Variants in CNTNAP2 observed in about 807,000 individuals in gnomAD.
The protein encoded by CNTNAP2 is contactin associated protein 2.
Under a neutral mutation model 155.2 loss-of-function variants are expected in CNTNAP2, and 98 were observed. The ratio of observed to expected loss-of-function variants is 0.63; its 90% CI spans 0.54 to 0.75. The LOEUF (loss-of-function observed/expected upper bound fraction) is 0.75, where lower values mean the gene tolerates loss of function less well. Among genes scored for constraint, CNTNAP2 ranks in the 30% least tolerant of loss-of-function variants. The pLI, the probability that CNTNAP2 is intolerant of heterozygous loss-of-function variation, is 0.00. For synonymous variants in CNTNAP2, 651 were observed against 631.2 expected (o/e 1.03, Z -0.47); for missense variants, 1,727 against 1,688.1 (o/e 1.02, Z -0.40).
intron 1 of CNTNAP2, among the ~76,000 whole-genome samples, chr7:146,197,813 G>T (rs531675361): frequency 6.6e-6 from 1 of 152,148 alleles, no homozygotes; most frequent in African/African-American, 2.4e-5. Flanking sequence ...GAGGTTTTCA[G>T]GTATATTAGC....
At chr7:146,406,537 A>T (rs802193) in intron 1 of CNTNAP2, among the ~76,000 whole-genome samples, 4,154 of 152,228 alleles carry the variant, frequency 0.027, 200 homozygotes, top group African/African-American at 0.095. Context: ...AGGAGCTGAG[A>T]TCTTGAGAGG....
chr7:148,207,402 G>A (rs1162525966), intron 18 of CNTNAP2, among the ~76,000 whole-genome samples: 1 of 152,212 alleles, frequency 6.6e-6, no homozygotes, highest in Non-Finnish European at 1.5e-5. Context: ...CAGTCCAGAC[G>A]ATGAAGGGGA....
At chr7:146,937,105 C>A (rs980920078) in intron 3 of CNTNAP2, among the ~76,000 whole-genome samples, 1 of 151,886 alleles carries the variant, frequency 6.6e-6, no homozygotes, top group East Asian at 1.9e-4. Context: ...AAGTGAAAAC[C>A]GGCCGGGCGC....
chr7:148,214,348 A>G (rs1326511326), intron 18 of CNTNAP2, among the ~76,000 whole-genome samples: 1 of 152,214 alleles, frequency 6.6e-6, no homozygotes, highest in African/African-American at 2.4e-5. Context: ...GCTGCTAAAT[A>G]AACCGCCATA....
At chr7:147,823,568 T>G (rs960484066) in intron 13 of CNTNAP2, among the ~76,000 whole-genome samples, 4 of 152,104 alleles carry the variant, frequency 2.6e-5, no homozygotes, top group African/African-American at 9.7e-5. Flanking sequence ...CCTAAAGAAG[T>G]TGGATACCAC....
At chr7:147,078,916 A>AT (rs1393878025) in intron 4 of CNTNAP2, among the ~76,000 whole-genome samples, 2 of 151,344 alleles carry the variant, frequency 1.3e-5, no homozygotes, top group Non-Finnish European at 1.5e-5. Context: ...TGCCCAGCTA[A>AT]TTTTTTTTAT....
chr7:147,802,985 C>T (rs940025954), intron 13 of CNTNAP2, among the ~76,000 whole-genome samples: 2 of 151,578 alleles, frequency 1.3e-5, no homozygotes, highest in Non-Finnish European at 2.9e-5. Context: ...TGAAATGAAA[C>T]CTAATAAACA....
intron 3 of CNTNAP2, among the ~76,000 whole-genome samples, chr7:147,024,800 G>A (rs527277522): frequency 4.0e-4 from 61 of 152,230 alleles, no homozygotes; most frequent in African/African-American, 1.3e-3. Context: ...CATGGTGCTA[G>A]CATCTGCTCA....
intron 3 of CNTNAP2, among the ~76,000 whole-genome samples, chr7:147,024,326 A>G (rs1427039897): frequency 6.7e-6 from 1 of 149,942 alleles, no homozygotes; most frequent in South Asian, 2.1e-4. Flanking sequence ...TGTTTATAAC[A>G]AAAAAAAAGT....
At chr7:147,097,104 C>T (rs1321790095) in intron 4 of CNTNAP2, among the ~76,000 whole-genome samples, 1 of 152,162 alleles carries the variant, frequency 6.6e-6, no homozygotes, top group African/African-American at 2.4e-5. Context: ...CCCAATCTCT[C>T]ACAAATAAGA....
intron 20 of CNTNAP2, among the ~76,000 whole-genome samples, chr7:148,243,650 A>T (rs780026791): frequency 1.6e-4 from 25 of 152,110 alleles, no homozygotes; most frequent in Non-Finnish European, 1.8e-4. Context: ...CAAGAACAGC[A>T]TGAGAAAGAC....
At chr7:147,317,022 T>A (rs1160968188) in intron 9 of CNTNAP2, among the ~76,000 whole-genome samples, 1 of 152,258 alleles carries the variant, frequency 6.6e-6, no homozygotes, top group Non-Finnish European at 1.5e-5. Context: ...AGAATGACTT[T>A]AGTCTTAGTT....
intron 3 of CNTNAP2, among the ~76,000 whole-genome samples, chr7:146,933,946 T>C (rs1796848088): frequency 6.6e-6 from 1 of 151,838 alleles, no homozygotes; most frequent in African/African-American, 2.4e-5. Flanking sequence ...AAACAACAGG[T>C]GCTGGAGAGG....
chr7:147,760,990 C>T (rs1797290499), intron 13 of CNTNAP2, among the ~76,000 whole-genome samples: 1 of 152,118 alleles, frequency 6.6e-6, no homozygotes, highest in South Asian at 2.1e-4. Flanking sequence ...AGATAACTAG[C>T]ACACAGAAGA....
chr7:146,821,321 C>T (rs1052555105), intron 2 of CNTNAP2, among the ~76,000 whole-genome samples: 15 of 152,082 alleles, frequency 9.9e-5, no homozygotes, highest in African/African-American at 3.4e-4. Context: ...CCTTTCTATG[C>T]TTAGTGCTTC....
At chr7:148,094,271 A>G (rs910226556) in intron 15 of CNTNAP2, among the ~76,000 whole-genome samples, 7 of 152,250 alleles carry the variant, frequency 4.6e-5, no homozygotes, top group African/African-American at 1.7e-4. Flanking sequence ...CATATGGAAT[A>G]ATGCATAGTA....
intron 1 of CNTNAP2, among the ~76,000 whole-genome samples, chr7:146,660,219 G>A (rs1800063343): frequency 6.6e-6 from 1 of 152,162 alleles, no homozygotes; most frequent in African/African-American, 2.4e-5. Flanking sequence ...ATGATTGGAT[G>A]ATATCTAAGC....
intron 13 of CNTNAP2, among the ~76,000 whole-genome samples, chr7:147,719,149 A>G (rs979240355): frequency 6.6e-6 from 1 of 152,124 alleles, no homozygotes; most frequent in Non-Finnish European, 1.5e-5. Flanking sequence ...TGCCTCCTTC[A>G]TTGAACTTTT....
chr7:147,813,747 G>A (rs909715891), intron 13 of CNTNAP2, among the ~76,000 whole-genome samples: 70 of 152,260 alleles, frequency 4.6e-4, no homozygotes, highest in African/African-American at 1.6e-3. Flanking sequence ...ATGCACGCAC[G>A]GAGGAAAATC....
Sources: allele counts gnomAD v4.1 joint callset (sites outside exome capture counted in the v4.1 genomes callset), GRCh38; gene constraint gnomAD v4.1.1; transcripts MANE v1.5; gene names NCBI Gene and HGNC (gene_info 2026-07-23, HGNC 2026-07-21).